Variants in PACRGL observed in about 807,000 individuals in gnomAD.
PACRGL encodes the protein PACRG-like protein.
A neutral mutation model predicts 34.5 loss-of-function variants in PACRGL; 38 were observed. The ratio of observed to expected loss-of-function variants is 1.10; its 90% CI spans 0.85 to 1.44. PACRGL has a LOEUF of 1.44. Among genes scored for constraint, PACRGL ranks in the 40% most tolerant of loss-of-function variants. The pLI is 0.00. For synonymous variants in PACRGL, 128 were observed against 100.1 expected (o/e 1.28, Z -1.66); for missense variants, 305 against 281.4 (o/e 1.08, Z -0.60).
At chr4:20,757,007 G>C (rs1754530359), downstream of PACRGL, among the ~76,000 whole-genome samples, 1 of 152,024 alleles carries the variant, frequency 6.6e-6, no homozygotes, top group Non-Finnish European at 1.5e-5. Context: ...CTTGTCCTCT[G>C]AGCCTCACAT....
rs199591438 is a variant in PACRGL at position 20,715,864 on chromosome 4, C to CA, written c.609+2334dup. 2.7e-3 allele frequency among the ~76,000 whole-genome samples: 403 copies of CA among 148,966 alleles called. 8 individuals are homozygous for CA. In the South Asian group the frequency reaches 0.047, roughly 17 times the overall value. On this transcript the variant is annotated intron_variant, in intron 7 of 8. Transcript: ENST00000503585. ...TGGGTAACAGAGCGAGTCTGCACTTCAAAAAAAAACCAAAAGTCGAATGGA... is the reference window on the plus strand; with the variant it reads ...TGGGTAACAGAGCGAGTCTGCACTTCAAAAAAAAAACCAAAAGTCGAATGGA...
At chr4:20,765,469 A>G in the PACRGL span, among the ~76,000 whole-genome samples, 3 of 152,164 alleles carry the variant, frequency 2.0e-5, no homozygotes, top group African/African-American at 7.2e-5. Context: ...TTGTAGCTTG[A>G]GAGATTTGAG....
intron 5 of PACRGL, 24 bp downstream of exon 5, chr4:20,709,797 T>C (rs1215403351): frequency 6.6e-7 from 1 of 1,526,496 alleles, no homozygotes; most frequent in African/African-American, 1.4e-5. Flanking sequence ...CTCTTGAATA[T>C]TTATCAGAAA....
At chr4:20,711,084 A>G (rs9995697) in intron 5 of PACRGL, among the ~76,000 whole-genome samples, 49,072 of 151,716 alleles carry the variant, frequency 0.32, 8,378 homozygotes, top group African/African-American at 0.43. Context: ...TGCTATCTCA[A>G]ACACACACAC....
chr4:20,697,480 G>A (rs561923199), upstream of PACRGL, among the ~76,000 whole-genome samples: 4 of 152,070 alleles, frequency 2.6e-5, no homozygotes, highest in East Asian at 1.9e-4. Context: ...AACTCATAAG[G>A]TTATATAATA....
intron 8 of PACRGL, among the ~76,000 whole-genome samples, chr4:20,745,745 G>A (rs1752281079): frequency 6.6e-6 from 1 of 152,114 alleles, no homozygotes; most frequent in Non-Finnish European, 1.5e-5. Flanking sequence ...CTGTTCATCT[G>A]CCAAACCTTT....
intron 1 of PACRGL, chr4:20,701,743 C>G: frequency 9.9e-6 from 4 of 403,188 alleles, no homozygotes; most frequent in Non-Finnish European, 1.5e-5. Flanking sequence ...TCCAGGACTC[C>G]CTCCCTCCCC....
At chr4:20,749,619 A>G (rs1560432832) in intron 8 of PACRGL, 1 of 1,371,652 alleles carries the variant, frequency 7.3e-7, no homozygotes, top group Non-Finnish European at 1.0e-6. Flanking sequence ...AAAAAGACTA[A>G]ACTCTAAATA....
At chr4:20,723,227 G>A (rs1443543783) in intron 7 of PACRGL, among the ~76,000 whole-genome samples, 1 of 152,088 alleles carries the variant, frequency 6.6e-6, no homozygotes, top group African/African-American at 2.4e-5. Flanking sequence ...CATGTCAGGG[G>A]GTGTGGCTGA....
At chr4:20,712,982 A>G in intron 6 of PACRGL, 60 bp downstream of exon 6, 5 of 1,404,580 alleles carry the variant, frequency 3.6e-6, no homozygotes, top group Non-Finnish European at 4.7e-6. Flanking sequence ...GAAAGCTGTA[A>G]TATATTTAGA....
intron 7 of PACRGL, among the ~76,000 whole-genome samples, chr4:20,716,538 G>A (rs1460726743): frequency 5.9e-5 from 9 of 152,134 alleles, no homozygotes; most frequent in Non-Finnish European, 1.3e-4. Context: ...CTGTGTCCAA[G>A]TATTCTCATT....
Position 20,728,396 on chromosome 4 carries a change from A to AGAAGCTTTTAAAATAT in PACRGL, c.*1056_*1071dup, listed in dbSNP as rs1439924662. 1.5e-5 allele frequency: 2 copies of AGAAGCTTTTAAAATAT among 134,316 alleles called. No homozygotes were observed. Among genetic ancestry groups the AGAAGCTTTTAAAATAT allele is most frequent in the Non-Finnish European group, 1.6e-5 (1 of 62,978 alleles). 8.3% of individuals were successfully genotyped at this position (134,316 alleles called of 1,614,324 possible). A position where few individuals can be genotyped will look rare whatever the true frequency, so the allele number is the denominator to read the frequency against. Reference sequence around the variant, plus strand: ...TTGTGCTTATGTTTAGCAATTTTTAAGAAGCTTTTAAAATATAATATAGAC... The same window carrying AGAAGCTTTTAAAATAT: ...TTGTGCTTATGTTTAGCAATTTTTAAGAAGCTTTTAAAATATGAAGCTTTTAAAATATAATATAGAC... On this transcript the variant is annotated 3_prime_UTR_variant, in exon 9 of 9. Coordinates refer to ENST00000503585, the MANE Select transcript of PACRGL (RefSeq NM_001258345.3).
intron 8 of PACRGL, among the ~76,000 whole-genome samples, chr4:20,726,442 G>A (rs959814074): frequency 1.3e-5 from 2 of 151,984 alleles, no homozygotes; most frequent in Non-Finnish European, 2.9e-5. Flanking sequence ...AATGATTGAT[G>A]TAATTGGAAT....
At chr4:20,757,481 A>G (rs1754577984), downstream of PACRGL, among the ~76,000 whole-genome samples, 1 of 152,158 alleles carries the variant, frequency 6.6e-6, no homozygotes. Context: ...CCATTTCTTC[A>G]TATGGCATCC....
rs1746884518 is a variant in PACRGL at position 20,728,891 on chromosome 4, T to TGTGGCAACTTTACA, written c.*1553_*1566dup. 1 of 151,670 alleles carries TGTGGCAACTTTACA rather than the reference T, an allele frequency of 6.6e-6. No individual in the cohort carries two copies. The highest frequency in any genetic ancestry group is 1.5e-5 in the Non-Finnish European group (1 of 67,954). The allele number at this position is 151,670 out of a possible 1,614,324, so 9.4% of individuals were successfully genotyped here. A position where few individuals can be genotyped will look rare whatever the true frequency, so the allele number is the denominator to read the frequency against. ...GGGACGATGTGTGTGGCTTTAGTAA[T>TGTGGCAACTTTACA]GTGGCAACTTTACAGTTTTGGCTAA... On this transcript the variant is annotated 3_prime_UTR_variant, in exon 9 of 9. Coordinates refer to ENST00000503585, the MANE Select transcript of PACRGL (RefSeq NM_001258345.3).
rs1399613782 is a variant in PACRGL at position 20,728,077 on chromosome 4, A to G, written c.*736A>G. On this transcript the variant is annotated 3_prime_UTR_variant, in exon 9 of 9. Coordinates refer to ENST00000503585, the MANE Select transcript of PACRGL (RefSeq NM_001258345.3). ...GCTGGGATTACAGGTGTGAGCCACC[A>G]TGCCTGGCCCCATGAATACACTACT... The G allele has an allele frequency of 6.6e-6, 1 of 152,192 alleles. No individual in the cohort carries two copies. Among genetic ancestry groups the G allele is most frequent in the Non-Finnish European group, 1.5e-5 (1 of 68,056 alleles). The allele number at this position is 152,192 out of a possible 1,614,324, so 9.4% of individuals were successfully genotyped here.
At chr4:20,749,567 C>T in intron 8 of PACRGL, 3 of 824,432 alleles carry the variant, frequency 3.6e-6, no homozygotes, top group East Asian at 2.7e-5. Flanking sequence ...CTTTCTTTCC[C>T]CTGAGCAAAA....
rs1748381616 is a variant in PACRGL at position 20,731,969 on chromosome 4, TA to T, written c.*4629del. On this transcript the variant is annotated 3_prime_UTR_variant, in exon 9 of 9. Transcript: ENST00000503585. ...CTAATACTCAGTTTAGCTGTTATGA[TA>T]GCTGAATTGATAGTTATTACACTTT... The T allele has an allele frequency of 3.1e-6, 5 of 1,611,390 alleles. No homozygotes were observed. The African/African-American group carries it at 6.7e-5, about 21-fold the overall frequency.
chr4:20,703,477 A>AGTGTGTGTGTGTGTGTGTGT (rs34932810), intron 1 of PACRGL, among the ~76,000 whole-genome samples: 2 of 141,464 alleles, frequency 1.4e-5, no homozygotes, highest in African/African-American at 5.2e-5. Context: ...TGGGTATATG[A>AGTGTGTGTGTGTGTGTGTGT]GTGTGTGTGT....
Sources: allele counts gnomAD v4.1 joint callset (sites outside exome capture counted in the v4.1 genomes callset), GRCh38; gene constraint gnomAD v4.1.1; transcripts MANE v1.5; gene names NCBI Gene and HGNC (gene_info 2026-07-23, HGNC 2026-07-21).